ACAP1: variants seen among roughly 807,000 people sequenced by gnomAD.
ACAP1 encodes the protein arf-GAP with coiled-coil, ANK repeat and PH domain-containing protein 1.
In ACAP1, 45 loss-of-function variants were observed where a neutral mutation model predicts 98.8. That is an observed-to-expected ratio of 0.46 (90% confidence interval 0.36 to 0.58). The LOEUF is 0.58. Ranked by LOEUF, ACAP1 falls within the 20% of genes least tolerant of loss-of-function variation. The probability of loss-of-function intolerance (pLI) is 0.00; values close to 1 mark genes in which losing one functional copy is unlikely to be tolerated. For missense variants in ACAP1, 735 were observed against 971.4 expected, an observed-to-expected ratio of 0.76 and a Z score of 3.24; for synonymous variants, 362 against 375.3, an observed-to-expected ratio of 0.96 and a Z score of 0.41.
In ACAP1 at chr17:7,343,636, T is replaced by G; in HGVS notation, c.529-70T>G. The stretch of plus-strand genomic sequence containing the variant: ...CCTCGAGGCTTGGGGGTCTCCAGTG[T>G]GCAGTGGGAAGGGGTGCTGTGTCTT... On this transcript the variant is annotated intron_variant, in intron 6 of 21. Transcript: ENST00000158762. The surrounding 1 kb of genome is among the most constrained non-coding windows in gnomAD (Gnocchi z 4.9). 1.9e-6 allele frequency: 3 copies of G among 1,598,054 alleles called. No individual in the cohort carries two copies. Among genetic ancestry groups the G allele is most frequent in the Non-Finnish European group, 2.6e-6 (3 of 1,169,986 alleles).
intron 14 of ACAP1, chr17:7,347,576 C>G (rs1219245328): frequency 9.5e-6 from 5 of 527,286 alleles, no homozygotes; most frequent in Non-Finnish European, 1.7e-5. Flanking sequence ...TAGCAAGTAT[C>G]TAAGGCCCTC....
Position 7,343,322 on chromosome 17 carries a change from G to A in ACAP1, c.345-57G>A, listed in dbSNP as rs1006261930. 13 of 1,540,550 alleles carry A rather than the reference G, an allele frequency of 8.4e-6. No individual in the cohort carries two copies. The highest frequency in any genetic ancestry group is 1.4e-5 in the African/African-American group (1 of 73,266). On this transcript the variant is annotated intron_variant, in intron 5 of 21. Transcript: ENST00000158762. The surrounding 1 kb of genome is among the most constrained non-coding windows in gnomAD (Gnocchi z 4.9). The stretch of plus-strand genomic sequence containing the variant: ...GACATGAGGGCTTTACCCTGGGAAT[G>A]CTCTGCTGGGGCAGGTGGGTGTTAG...
chr17:7,351,131 G>T, intron 21 of ACAP1, 132 bp downstream of exon 21: 1 of 1,132,688 alleles, frequency 8.8e-7, no homozygotes, highest in South Asian at 1.4e-5. Flanking sequence ...GGGCGCATGC[G>T]ACGTGCCAGG....
In ACAP1 at chr17:7,347,880, C is replaced by T. The variant is rs114480544; in HGVS notation, c.1344-42C>T. 9.7e-4 allele frequency: 1,505 copies of T among 1,554,550 alleles called. 16 individuals are homozygous for T. The African/African-American group carries it at 0.018, about 19-fold the overall frequency. The stretch of plus-strand genomic sequence containing the variant: ...GCAGCAGCAGCTCCCCAGGCCACTG[C>T]CCCCCTGCACAGGGCCTGACCCTCC... On this transcript the variant is annotated intron_variant, in intron 14 of 21. Transcript: ENST00000158762.
At chr17:7,348,550 A>G (rs1245366854) in intron 17 of ACAP1, 75 bp downstream of exon 17, 20 of 1,412,648 alleles carry the variant, frequency 1.4e-5, no homozygotes, top group Non-Finnish European at 1.9e-5. Context: ...CGGGAGGCAC[A>G]GAGTGTGAAG....
At chr17:7,342,188 C>T (rs2073289840) in intron 3 of ACAP1, 87 bp from the exon 4 acceptor site, 9 of 1,605,032 alleles carry the variant, frequency 5.6e-6, no homozygotes, top group Non-Finnish European at 6.0e-6. Flanking sequence ...GGCTGCTGTC[C>T]ATGACAGCCG....
chr17:7,347,882 C>T (rs772058329), intron 14 of ACAP1, 40 bp from the exon 15 acceptor site: 2 of 1,571,394 alleles, frequency 1.3e-6, no homozygotes, highest in Non-Finnish European at 8.8e-7. Flanking sequence ...GGCCACTGCC[C>T]CCCTGCACAG....
chr17:7,337,217 C>T (rs2073229126), intron 1 of ACAP1, 95 bp from the exon 2 acceptor site: 1 of 1,194,778 alleles, frequency 8.4e-7, no homozygotes, highest in Non-Finnish European at 1.2e-6. Flanking sequence ...GCAGCTTTCT[C>T]CTCCGTACCC....
chr17:7,348,229 T>G lies in ACAP1; in HGVS notation c.1508+8T>G. The G allele has an allele frequency of 1.9e-6, 3 of 1,613,138 alleles. No individual in the cohort carries two copies. The highest frequency in any genetic ancestry group is 1.3e-5 in the African/African-American group (1 of 75,018). On this transcript the variant is annotated splice_region_variant and intron_variant, in intron 16 of 21. Transcript: ENST00000158762. ...AGGGCCCAGCTGCTCCCGGTGAGCTTGGGGTTTAGCCTCCCAGGGGAATGG... is the reference window on the plus strand; with the variant it reads ...AGGGCCCAGCTGCTCCCGGTGAGCTGGGGGTTTAGCCTCCCAGGGGAATGG...
At position 7,349,067 on chromosome 17, in the gene ACAP1, C is replaced by G. The variant is rs760366396; in HGVS notation, c.1751C>G (p.Ser584Cys). Residue 584 changes from serine (S) to cysteine (C), a missense_variant, in exon 18 of 22, where the codon TCT becomes TGT. Physicochemically the swap from Ser to Cys is moderately radical, Grantham distance 112. Around this residue, in one of 5 missense-constraint regions of ACAP1, gnomAD observed 142 missense variants for 224.1 expected, o/e 0.63. Coordinates refer to ENST00000158762, the MANE Select transcript of ACAP1 (RefSeq NM_014716.4). ...TTTCGAGCGTCTGGGCATCCTCCAT[C>G]TCTTCCCACCATGGCTGATGCCCTT... The part of the protein sequence containing the change: ...LLFRASGHPP[S>C]LPTMADALAH... The G allele has an allele frequency of 6.2e-7, 1 of 1,614,104 alleles. No homozygotes were observed. The highest frequency in any genetic ancestry group is 8.5e-7 in the Non-Finnish European group (1 of 1,180,008).
intron 2 of ACAP1, among the ~76,000 whole-genome samples, chr17:7,340,832 C>A (rs1398590987): frequency 6.6e-6 from 1 of 151,970 alleles, no homozygotes; most frequent in East Asian, 1.9e-4. Flanking sequence ...GGCAACGGAG[C>A]AAAACTCCGT....
At chr17:7,342,825 T>C (rs1368439225) in intron 5 of ACAP1, 1 of 345,894 alleles carries the variant, frequency 2.9e-6, no homozygotes. Flanking sequence ...GGAGAATCAT[T>C]TGAACCCAGG....
intron 10 of ACAP1, chr17:7,345,926 G>A (rs560290746): frequency 3.4e-6 from 1 of 292,072 alleles, no homozygotes; most frequent in South Asian, 3.4e-5. Flanking sequence ...AAAGTGCTGG[G>A]ATTACAGGTG....
rs1245058499 is a variant in ACAP1, at chr17:7,337,221, C to T, written c.54-91C>T. The T allele has an allele frequency of 8.1e-6, 10 of 1,233,396 alleles. No homozygotes were observed. The East Asian group carries it at 1.2e-4, about 14-fold the overall frequency. The allele number at this position is 1,233,396 out of a possible 1,614,324, so 76.4% of individuals were successfully genotyped here. A position where few individuals can be genotyped will look rare whatever the true frequency, so the allele number is the denominator to read the frequency against. Reference sequence around the variant, plus strand: ...CTCTCAACTCTGCAGCTTTCTCCTCCGTACCCACCGCCCTGCGACTCCATC... The same window carrying T: ...CTCTCAACTCTGCAGCTTTCTCCTCTGTACCCACCGCCCTGCGACTCCATC... On this transcript the variant is annotated intron_variant, in intron 1 of 21. Transcript: ENST00000158762.
chr17:7,347,533 T>A, intron 14 of ACAP1: 1 of 508,444 alleles, frequency 2.0e-6, no homozygotes, highest in Non-Finnish European at 3.5e-6. Flanking sequence ...GGGGAGCCAG[T>A]GAAGACTAGG....
In ACAP1 at chr17:7,347,230, C is replaced by T; in HGVS notation, c.1331C>T (p.Ser444Phe). The part of the protein sequence containing the change: ...NLGVTLCIQC[S>F]GIHRSLGVHF... ...GGTGTCACCCTCTGCATTCAGTGTT[C>T]CGGCATCCACAGGTTACTCCACAAG... Residue 444 changes from serine (S) to phenylalanine (F), a missense_variant, in exon 14 of 22, where the codon TCC (serine) becomes TTC (phenylalanine). Coordinates refer to ENST00000158762, the MANE Select transcript of ACAP1 (RefSeq NM_014716.4). The T allele has an allele frequency of 6.2e-7, 1 of 1,612,362 alleles. No individual in the cohort carries two copies. The highest frequency in any genetic ancestry group is 1.1e-5 in the South Asian group (1 of 90,886).
Position 7,351,429 on chromosome 17 carries a change from T to C in ACAP1, c.*34T>C, listed in dbSNP as rs1283260931. ...CCACGGGGCCCGCGCCTGCCTCCCT[T>C]CCCCGCCACCGGGCCCTCTGCCATT... On this transcript the variant is annotated 3_prime_UTR_variant, in exon 22 of 22. Coordinates refer to ENST00000158762, the MANE Select transcript of ACAP1 (RefSeq NM_014716.4). 4.6e-6 allele frequency: 7 copies of C among 1,510,600 alleles called. No individual in the cohort carries two copies. Among genetic ancestry groups the C allele is most frequent in the Non-Finnish European group, 6.4e-6 (7 of 1,097,684 alleles). The allele number at this position is 1,510,600 out of a possible 1,614,324, so 93.6% of individuals were successfully genotyped here.
In ACAP1 at chr17:7,350,799, AC is replaced by A; in HGVS notation, c.2073-150del. ...CTAATTTTTTGTATTTTTAGTAGAG[AC>A]GGGGTTTCACCATGTTGGCCAGGAC... On this transcript the variant is annotated intron_variant, in intron 20 of 21. Transcript: ENST00000158762. This position sits in a 1 kb window ranked among gnomAD's most constrained non-coding sequence, Gnocchi z 4.6. 1 of 667,146 alleles carries A rather than the reference AC, an allele frequency of 1.5e-6. No homozygotes were observed. Among genetic ancestry groups the A allele is most frequent in the Non-Finnish European group, 2.6e-6 (1 of 387,808 alleles). 41.3% of individuals were successfully genotyped at this position (667,146 alleles called of 1,614,324 possible).
intron 2 of ACAP1, among the ~76,000 whole-genome samples, chr17:7,339,864 TG>T (rs1375504563): frequency 6.6e-6 from 1 of 152,134 alleles, no homozygotes; most frequent in Non-Finnish European, 1.5e-5. Flanking sequence ...ACCGCTGATT[TG>T]TTCTCCATCT....
Sources: allele counts gnomAD v4.1 joint callset (sites outside exome capture counted in the v4.1 genomes callset), GRCh38; gene constraint gnomAD v4.1.1; regional missense constraint gnomAD v4.1.1; non-coding constraint Gnocchi (gnomAD v3.1); transcripts MANE v1.5; gene names NCBI Gene and HGNC (gene_info 2026-07-23, HGNC 2026-07-21).